The following ANKRD30A variants were observed in gnomAD, a reference collection of about 807,000 sequenced individuals.
ANKRD30A encodes the protein ankyrin repeat domain 30A, also known as ankyrin repeat domain-containing protein 30A.
ANKRD30A carries 170 observed loss-of-function variants against 166.3 expected under a neutral mutation model. The ratio of observed to expected loss-of-function variants is 1.02; its 90% CI spans 0.90 to 1.16. The LOEUF (loss-of-function observed/expected upper bound fraction) is 1.16, where lower values mean the gene tolerates loss of function less well. Among genes scored for constraint, ANKRD30A ranks in the 50% most tolerant of loss-of-function variants. The pLI, the probability that ANKRD30A is intolerant of heterozygous loss-of-function variation, is 0.00. For missense variants in ANKRD30A, 1,630 were observed against 1,518.0 expected (o/e 1.07, Z -1.23); for synonymous variants, 564 against 508.9 (o/e 1.11, Z -1.46).
At chr10:37,126,978 C>T (rs1357211286) in intron 1 of ANKRD30A, among the ~76,000 whole-genome samples, 1 of 123,400 alleles carries the variant, frequency 8.1e-6, no homozygotes, top group Non-Finnish European at 1.6e-5. Flanking sequence ...ACCCGGTAGG[C>T]GGAGATTGCA....
At chr10:37,240,194 CATTA>C in the ANKRD30A span, among the ~76,000 whole-genome samples, 176 of 152,144 alleles carry the variant, frequency 1.2e-3, no homozygotes, top group African/African-American at 4.0e-3. Flanking sequence ...ATTTATGCCT[CATTA>C]ATTTGTCATG....
At chr10:37,197,634 A>G (rs1841246145) in intron 29 of ANKRD30A, among the ~76,000 whole-genome samples, 154 bp downstream of exon 29, 2 of 152,116 alleles carry the variant, frequency 1.3e-5, no homozygotes, top group Admixed American at 1.3e-4. Context: ...AAAAGCTGGT[A>G]TTACAAGCAC....
intron 19 of ANKRD30A, 109 bp downstream of exon 19, chr10:37,166,804 T>C: frequency 2.0e-6 from 3 of 1,482,240 alleles, no homozygotes; most frequent in Admixed American, 2.6e-5. Context: ...ATGCAAACCA[T>C]GGAAAAAAAG....
At chr10:37,171,127 A>G (rs1455378757) in intron 21 of ANKRD30A, among the ~76,000 whole-genome samples, 4 of 87,848 alleles carry the variant, frequency 4.6e-5, no homozygotes, top group Non-Finnish European at 1.0e-4. Flanking sequence ...TTCAATAAAT[A>G]GTTGTACGCT....
chr10:37,247,830 G>A, the ANKRD30A span, among the ~76,000 whole-genome samples: 19 of 150,078 alleles, frequency 1.3e-4, no homozygotes, highest in African/African-American at 3.2e-4. Flanking sequence ...TGCAGTGAGC[G>A]GAGATCGTGC....
chr10:37,250,553 C>T, the ANKRD30A span, among the ~76,000 whole-genome samples: 19 of 152,020 alleles, frequency 1.2e-4, no homozygotes, highest in Non-Finnish European at 2.4e-4. Context: ...TCCCAGACCC[C>T]GACATTTTAT....
At chr10:37,261,556 A>C in the ANKRD30A span, among the ~76,000 whole-genome samples, 3 of 152,212 alleles carry the variant, frequency 2.0e-5, no homozygotes, top group Non-Finnish European at 4.4e-5. Flanking sequence ...ATAATTTCTT[A>C]TTCCTTATCA....
intron 1 of ANKRD30A, among the ~76,000 whole-genome samples, chr10:37,127,605 A>T (rs920847573): frequency 6.6e-6 from 1 of 152,172 alleles, no homozygotes; most frequent in African/African-American, 2.4e-5. Context: ...AAATTGGGAA[A>T]TTTAAATTAG....
the ANKRD30A span, among the ~76,000 whole-genome samples, chr10:37,247,818 C>T: frequency 6.7e-6 from 1 of 148,780 alleles, no homozygotes; most frequent in Non-Finnish European, 1.5e-5. Flanking sequence ...GGAGGCGGAG[C>T]TTGCAGTGAG....
Position 37,219,102 on chromosome 10 carries a change from T to C in ANKRD30A, c.3390T>C (p.Asn1130=), listed in dbSNP as rs1269694993. 1 of 1,609,264 alleles carries C rather than the reference T, an allele frequency of 6.2e-7. No homozygotes were observed. The highest frequency in any genetic ancestry group is 1.7e-5 in the Admixed American group (1 of 59,592). The change falls in exon 34 of 36, where the codon AAT becomes AAC. Residue 1130 remains asparagine (N), a synonymous_variant. Coordinates refer to ENST00000361713, the MANE Select transcript of ANKRD30A (RefSeq NM_052997.3). ...TLKHQYQEKE[N]KYFEDIKILK... is the part of the protein sequence containing the mutation. ...AACACCAATACCAGGAAAAGGAAAA[T>C]AAATACTTTGAGGACATTAAGATTT...
In ANKRD30A at chr10:37,219,851, T is replaced by A; in HGVS notation, c.4139T>A (p.Leu1380Ter). Residue 1380 changes from leucine (L) to a stop codon, truncating the protein, a stop_gained, in exon 34 of 36, where the codon TTA becomes TAA. Transcript: ENST00000361713. LOFTEE classifies it high-confidence loss of function. ...NEEIFNYNNH[L>*]KNRIYQYEKE... ...GAGATATTTAATTACAATAACCATT[T>A]AAAAAACCGTATATATCAATATGAA... The A allele has an allele frequency of 6.3e-7, 1 of 1,576,484 alleles. No homozygotes were observed. Among genetic ancestry groups the A allele is most frequent in the South Asian group, 1.2e-5 (1 of 85,974 alleles).
chr10:37,265,170 T>C, the ANKRD30A span, among the ~76,000 whole-genome samples: 1 of 152,174 alleles, frequency 6.6e-6, no homozygotes, highest in Admixed American at 6.5e-5. Flanking sequence ...TTGAATATCT[T>C]TTTATTTTTT....
At chr10:37,227,280 AG>A (rs1843202750) in intron 34 of ANKRD30A, among the ~76,000 whole-genome samples, 1 of 151,944 alleles carries the variant, frequency 6.6e-6, no homozygotes, top group African/African-American at 2.4e-5. Flanking sequence ...TCTTAAATTT[AG>A]CTATTTTATT....
At chr10:37,206,771 G>A (rs1842018015) in intron 31 of ANKRD30A, among the ~76,000 whole-genome samples, 1 of 152,080 alleles carries the variant, frequency 6.6e-6, no homozygotes, top group Non-Finnish European at 1.5e-5. Flanking sequence ...TCCAGCCTGG[G>A]TGGCAGAGTG....
intron 25 of ANKRD30A, among the ~76,000 whole-genome samples, chr10:37,189,939 C>T (rs191259775): frequency 9.9e-5 from 15 of 151,846 alleles, no homozygotes; most frequent in South Asian, 6.3e-4. Context: ...AGGAAAAGAT[C>T]GGGTATGGTT....
At chr10:37,149,898 C>T (rs1269251916) in intron 11 of ANKRD30A, 49 bp downstream of exon 11, 2 of 1,604,532 alleles carry the variant, frequency 1.2e-6, no homozygotes, top group African/African-American at 2.7e-5. Flanking sequence ...CAATATTGGA[C>T]ATTTTGATGG....
At chr10:37,195,436 T>C (rs1422951077) in intron 27 of ANKRD30A, among the ~76,000 whole-genome samples, 1 of 152,064 alleles carries the variant, frequency 6.6e-6, no homozygotes, top group African/African-American at 2.4e-5. Context: ...ATATAAACTG[T>C]GAAAATTCTC....
At chr10:37,145,432 G>A (rs1477150337) in intron 8 of ANKRD30A, among the ~76,000 whole-genome samples, 2 of 151,888 alleles carry the variant, frequency 1.3e-5, no homozygotes, top group African/African-American at 2.4e-5. Context: ...AGCTGAGATC[G>A]TGCCATTGCA....
intron 19 of ANKRD30A, 136 bp downstream of exon 19, chr10:37,166,831 T>C: frequency 4.3e-6 from 6 of 1,409,682 alleles, no homozygotes; most frequent in South Asian, 1.4e-5. Context: ...GCAATGGTCA[T>C]AAGTTATGTG....
Sources: allele counts gnomAD v4.1 joint callset (sites outside exome capture counted in the v4.1 genomes callset), GRCh38; gene constraint gnomAD v4.1.1; transcripts MANE v1.5; gene names NCBI Gene and HGNC (gene_info 2026-07-23, HGNC 2026-07-21).